SPMIP2: variants seen among roughly 807,000 people sequenced by gnomAD.
SPMIP2 encodes sperm microtubule inner protein 2, also known as protein SPMIP2.
the SPMIP2 span, among the ~76,000 whole-genome samples, chr4:158,903,705 A>C: frequency 6.6e-6 from 1 of 152,180 alleles, no homozygotes; most frequent in Non-Finnish European, 1.5e-5. Flanking sequence ...CTGGAGAAGG[A>C]CTAGAAAACC....
At chr4:159,077,955 G>A in the SPMIP2 span, among the ~76,000 whole-genome samples, 2 of 152,004 alleles carry the variant, frequency 1.3e-5, no homozygotes, top group African/African-American at 4.8e-5. Flanking sequence ...TACCAAAGAG[G>A]GGATGTAATC....
chr4:158,952,829 T>A, the SPMIP2 span, among the ~76,000 whole-genome samples: 1 of 152,074 alleles, frequency 6.6e-6, no homozygotes, highest in Admixed American at 6.5e-5. Context: ...TCTTGTTAGG[T>A]TTTAGCAAAG....
the SPMIP2 span, among the ~76,000 whole-genome samples, chr4:159,065,382 G>T: frequency 6.6e-6 from 1 of 152,096 alleles, no homozygotes; most frequent in Non-Finnish European, 1.5e-5. Context: ...AAATAAAATT[G>T]AGACTTTTGA....
the SPMIP2 span, among the ~76,000 whole-genome samples, chr4:159,047,041 T>A: frequency 2.0e-5 from 3 of 152,210 alleles, no homozygotes; most frequent in Non-Finnish European, 4.4e-5. Flanking sequence ...CCTCATTCTT[T>A]CATTCCTGTA....
At chr4:158,917,724 T>G in the SPMIP2 span, among the ~76,000 whole-genome samples, 1 of 20,660 alleles carries the variant, frequency 4.8e-5, no homozygotes, top group Admixed American at 5.6e-4. Flanking sequence ...ATTTGACTTT[T>G]TTTTTTTTTT....
chr4:158,976,051 C>G, the SPMIP2 span, among the ~76,000 whole-genome samples: 6 of 152,120 alleles, frequency 3.9e-5, no homozygotes, highest in East Asian at 1.2e-3. Context: ...ATTTTATTCT[C>G]TTTGTAGCAA....
At chr4:158,913,644 C>T in the SPMIP2 span, among the ~76,000 whole-genome samples, 1 of 152,136 alleles carries the variant, frequency 6.6e-6, no homozygotes, top group African/African-American at 2.4e-5. Flanking sequence ...TTAGGAAATA[C>T]ACCCTGAAAT....
chr4:158,992,298 C>T, the SPMIP2 span, among the ~76,000 whole-genome samples: 1 of 152,236 alleles, frequency 6.6e-6, no homozygotes, highest in Non-Finnish European at 1.5e-5. Flanking sequence ...TTTGGGAACA[C>T]TGCTGGCTAC....
the SPMIP2 span, among the ~76,000 whole-genome samples, chr4:158,916,795 C>T: frequency 2.0e-5 from 3 of 152,174 alleles, no homozygotes; most frequent in Non-Finnish European, 2.9e-5. Context: ...AGGTGTACAC[C>T]ACCACCTCCA....
At chr4:159,070,850 G>A in the SPMIP2 span, among the ~76,000 whole-genome samples, 2 of 152,102 alleles carry the variant, frequency 1.3e-5, no homozygotes, top group Non-Finnish European at 2.9e-5. Context: ...GCACTTATTT[G>A]GTTTTATGAA....
At chr4:158,971,209 C>T in the SPMIP2 span, among the ~76,000 whole-genome samples, 1 of 152,054 alleles carries the variant, frequency 6.6e-6, no homozygotes, top group African/African-American at 2.4e-5. Context: ...GGGCTGTGTC[C>T]GAGAGCAGGA....
chr4:158,950,548 C>T, the SPMIP2 span, among the ~76,000 whole-genome samples: 1 of 152,190 alleles, frequency 6.6e-6, no homozygotes, highest in African/African-American at 2.4e-5. Context: ...ACACTGCCTG[C>T]TGCACAATTT....
chr4:158,925,362 A>C, the SPMIP2 span, among the ~76,000 whole-genome samples: 3 of 152,154 alleles, frequency 2.0e-5, no homozygotes, highest in Non-Finnish European at 2.9e-5. Flanking sequence ...TCTTATTTCT[A>C]TAAGATCAGT....
the SPMIP2 span, among the ~76,000 whole-genome samples, chr4:159,047,051 A>G: frequency 6.6e-6 from 1 of 152,022 alleles, no homozygotes; most frequent in African/African-American, 2.4e-5. Flanking sequence ...TCATTCCTGT[A>G]TTCTTTGAGG....
the SPMIP2 span, among the ~76,000 whole-genome samples, chr4:158,901,502 T>C: frequency 1.3e-5 from 2 of 152,064 alleles, no homozygotes; most frequent in Non-Finnish European, 1.5e-5. Flanking sequence ...CTTTGTGGTG[T>C]TCTCTGTATT....
the SPMIP2 span, among the ~76,000 whole-genome samples, chr4:159,014,050 C>T: frequency 6.6e-6 from 1 of 152,152 alleles, no homozygotes; most frequent in African/African-American, 2.4e-5. Context: ...TGTGAATATA[C>T]TTAATGCCAC....
At chr4:159,033,288 C>A in the SPMIP2 span, among the ~76,000 whole-genome samples, 1 of 146,206 alleles carries the variant, frequency 6.8e-6, no homozygotes, top group Non-Finnish European at 1.5e-5. Flanking sequence ...TTGCCAGGAG[C>A]TAGGGGGAAA....
the SPMIP2 span, among the ~76,000 whole-genome samples, chr4:158,971,245 A>G: frequency 1.1e-4 from 16 of 152,208 alleles, no homozygotes; most frequent in Non-Finnish European, 2.1e-4. Context: ...AGAAACACCA[A>G]GACAACAAAA....
the SPMIP2 span, among the ~76,000 whole-genome samples, chr4:158,943,661 C>G: frequency 1.3e-5 from 2 of 151,996 alleles, no homozygotes; most frequent in African/African-American, 4.8e-5. Flanking sequence ...CCCCATACCC[C>G]ACACTTACAT....
Sources: allele counts gnomAD v4.1 joint callset (sites outside exome capture counted in the v4.1 genomes callset), GRCh38; gene constraint gnomAD v4.1.1; transcripts MANE v1.5; gene names NCBI Gene and HGNC (gene_info 2026-07-23, HGNC 2026-07-21).